The following ZNF423 variants were observed in gnomAD, a reference collection of about 807,000 sequenced individuals.
The protein encoded by ZNF423 is zinc finger protein 423.
Under a neutral mutation model 95.8 loss-of-function variants are expected in ZNF423, and 12 were observed. The observed-to-expected ratio is 0.13, with a 90% confidence interval of 0.08 to 0.20. The LOEUF (loss-of-function observed/expected upper bound fraction) is 0.20, where lower values mean the gene tolerates loss of function less well. ZNF423 is among the 10% of genes least tolerant of loss of function. The probability of loss-of-function intolerance (pLI) is 1.00; values close to 1 mark genes in which losing one functional copy is unlikely to be tolerated. For missense variants in ZNF423, 1,316 were observed against 1,737.1 expected (o/e 0.76, Z 4.31); for synonymous variants, 749 against 711.9 (o/e 1.05, Z -0.83).
intron 1 of ZNF423, among the ~76,000 whole-genome samples, chr16:49,804,203 G>A (rs752964087): frequency 3.3e-5 from 5 of 152,058 alleles, no homozygotes; most frequent in Non-Finnish European, 7.4e-5. Context: ...CCAAAGTGCT[G>A]GGATTACAGG....
intron 1 of ZNF423, among the ~76,000 whole-genome samples, chr16:49,825,205 G>A (rs928483063): frequency 6.6e-6 from 1 of 152,180 alleles, no homozygotes; most frequent in Non-Finnish European, 1.5e-5. Flanking sequence ...CATCCTGTGT[G>A]TCAATCAGGA....
chr16:49,570,447 A>G (rs1305908612), intron 5 of ZNF423, among the ~76,000 whole-genome samples: 1 of 152,220 alleles, frequency 6.6e-6, no homozygotes, highest in East Asian at 1.9e-4. Context: ...AAATCAAGCT[A>G]TCTTCATTTA....
intron 5 of ZNF423, among the ~76,000 whole-genome samples, chr16:49,601,188 T>C (rs1208460432): frequency 2.6e-5 from 4 of 152,202 alleles, no homozygotes; most frequent in South Asian, 2.1e-4. Context: ...ATGCTCCAAA[T>C]TGGGGACAAT....
At chr16:49,704,307 AC>A (rs1283760772) in intron 3 of ZNF423, among the ~76,000 whole-genome samples, 1 of 152,022 alleles carries the variant, frequency 6.6e-6, no homozygotes, top group Non-Finnish European at 1.5e-5. Context: ...AGCATGCCAC[AC>A]CTATAACAGG....
intron 3 of ZNF423, among the ~76,000 whole-genome samples, chr16:49,704,882 C>T (rs926510131): frequency 2.0e-5 from 3 of 152,186 alleles, no homozygotes; most frequent in African/African-American, 7.2e-5. Context: ...GTCTCTCCTG[C>T]TCATCAGCAG....
chr16:49,508,733 G>A (rs1372584790), intron 7 of ZNF423, among the ~76,000 whole-genome samples: 1 of 151,950 alleles, frequency 6.6e-6, no homozygotes, highest in Non-Finnish European at 1.5e-5. Flanking sequence ...GGAGGGCAGG[G>A]GCAGGCATGG....
rs960221681 is a variant in ZNF423 at position 49,492,189 on chromosome 16, T to C, written c.3850-885A>G. On this transcript the variant is annotated intron_variant, in intron 7 of 7. Transcript: ENST00000563137. This position sits in a 1 kb window ranked among gnomAD's most constrained non-coding sequence, Gnocchi z 4.2. ...CTTTTTGTTTCTTTTCAGTGGTTCG[T>C]GTTCCAAATTCAGACCCATTTCATC... Among the ~76,000 whole-genome samples the C allele has an allele frequency of 2.6e-5, 4 of 152,200 alleles. No individual in the cohort carries two copies. The highest frequency in any genetic ancestry group is 9.6e-5 in the African/African-American group (4 of 41,452).
At chr16:49,552,914 G>A (rs1969694871) in intron 5 of ZNF423, among the ~76,000 whole-genome samples, 1 of 151,968 alleles carries the variant, frequency 6.6e-6, no homozygotes, top group Non-Finnish European at 1.5e-5. Flanking sequence ...ACCCCACCTG[G>A]ACCCGCTCTA....
chr16:49,616,904 A>T (rs1296253180), intron 5 of ZNF423, among the ~76,000 whole-genome samples: 2 of 152,212 alleles, frequency 1.3e-5, no homozygotes, highest in East Asian at 1.9e-4. Context: ...CAATATTGAT[A>T]GATAGAATTT....
At chr16:49,596,496 T>C (rs1971182306) in intron 5 of ZNF423, among the ~76,000 whole-genome samples, 1 of 152,232 alleles carries the variant, frequency 6.6e-6, no homozygotes, top group African/African-American at 2.4e-5. Flanking sequence ...CAAATCTTGC[T>C]GTAAATATTT....
At chr16:49,652,538 C>T (rs541282519) in intron 3 of ZNF423, among the ~76,000 whole-genome samples, 1 of 152,148 alleles carries the variant, frequency 6.6e-6, no homozygotes, top group African/African-American at 2.4e-5. Flanking sequence ...AGCCTCCTGG[C>T]GTGGACCTCC....
chr16:49,582,277 A>C (rs1440983992), intron 5 of ZNF423, among the ~76,000 whole-genome samples: 1 of 152,162 alleles, frequency 6.6e-6, no homozygotes, highest in East Asian at 1.9e-4. Context: ...TTCCTTCCAT[A>C]TTGCAGACAT....
chr16:49,747,325 A>G (rs1332738463), intron 2 of ZNF423, among the ~76,000 whole-genome samples: 17 of 29,142 alleles, frequency 5.8e-4, no homozygotes, highest in Non-Finnish European at 9.2e-4. Flanking sequence ...TGAGAGAGGG[A>G]AAAAAAAAGC....
chr16:49,747,562 C>G (rs1447757803), intron 2 of ZNF423, among the ~76,000 whole-genome samples: 2 of 151,768 alleles, frequency 1.3e-5, no homozygotes, highest in African/African-American at 4.8e-5. Flanking sequence ...AAGAGTAGGG[C>G]ACTCTGGCAC....
At chr16:49,650,927 T>C (rs1266162490) in intron 3 of ZNF423, among the ~76,000 whole-genome samples, 1 of 152,242 alleles carries the variant, frequency 6.6e-6, no homozygotes, top group African/African-American at 2.4e-5. Flanking sequence ...GTTATCAGTA[T>C]TAGTGATTTT....
chr16:49,513,781 G>A (rs1968004524), intron 7 of ZNF423, among the ~76,000 whole-genome samples: 1 of 152,122 alleles, frequency 6.6e-6, no homozygotes, highest in Admixed American at 6.5e-5. Flanking sequence ...CGGAATCAGG[G>A]GGGTTAAACC....
At chr16:49,508,444 C>T (rs1967744562) in intron 7 of ZNF423, among the ~76,000 whole-genome samples, 1 of 148,500 alleles carries the variant, frequency 6.7e-6, no homozygotes, top group Admixed American at 6.8e-5. Context: ...TGCTTGAACC[C>T]AGGAGTTCAA....
At chr16:49,640,678 T>C (rs1208560323) in intron 3 of ZNF423, 1 of 148,690 alleles carries the variant, frequency 6.7e-6, no homozygotes, top group African/African-American at 2.5e-5. Flanking sequence ...TGCATGCGGC[T>C]CTCCGAAGCT....
chr16:49,817,652 A>G (rs2034877546), intron 1 of ZNF423, among the ~76,000 whole-genome samples: 1 of 152,156 alleles, frequency 6.6e-6, no homozygotes, highest in Admixed American at 6.5e-5. Context: ...CAGAGCTGAG[A>G]CCCTGAAGGT....
Sources: allele counts gnomAD v4.1 joint callset (sites outside exome capture counted in the v4.1 genomes callset), GRCh38; gene constraint gnomAD v4.1.1; non-coding constraint Gnocchi (gnomAD v3.1); transcripts MANE v1.5; gene names NCBI Gene and HGNC (gene_info 2026-07-23, HGNC 2026-07-21).